Variants in METTL15 observed in about 807,000 individuals in gnomAD.
The protein encoded by METTL15 is 12S rRNA N(4)-cytidine methyltransferase METTL15.
A neutral mutation model predicts 38.3 loss-of-function variants in METTL15; 34 were observed. The observed-to-expected ratio is 0.89, with a 90% CI of 0.68 to 1.18. The LOEUF (loss-of-function observed/expected upper bound fraction) is 1.18. METTL15 is among the 50% of genes most tolerant of loss of function. The pLI is 0.00. For synonymous variants in METTL15, 162 were observed against 170.9 expected (o/e 0.95, Z 0.41); for missense variants, 438 against 498.4 (o/e 0.88, Z 1.15).
chr11:28,408,334 AAAC>A (rs569893597), intron 5 of METTL15, among the ~76,000 whole-genome samples: 86 of 152,044 alleles, frequency 5.7e-4, no homozygotes, highest in Middle Eastern at 3.4e-3. Context: ...ATCACATTAA[AAAC>A]AACAACAACA....
intron 4 of METTL15, among the ~76,000 whole-genome samples, chr11:28,216,804 A>C (rs983617211): frequency 2.0e-5 from 3 of 148,456 alleles, no homozygotes; most frequent in Non-Finnish European, 4.4e-5. Context: ...GAGTGAGAAC[A>C]TGCGGTGTTT....
At chr11:28,120,182 G>A (rs1305381104) in intron 3 of METTL15, among the ~76,000 whole-genome samples, 1 of 151,374 alleles carries the variant, frequency 6.6e-6, no homozygotes, top group Admixed American at 6.6e-5. Flanking sequence ...TCCATCTCCT[G>A]ACCTCGTGAT....
At chr11:28,157,886 C>T (rs898120654) in intron 3 of METTL15, among the ~76,000 whole-genome samples, 1 of 152,302 alleles carries the variant, frequency 6.6e-6, no homozygotes, top group East Asian at 1.9e-4. Context: ...ACAGATAGTT[C>T]TGCACAATAC....
intron 6 of METTL15, among the ~76,000 whole-genome samples, chr11:28,304,105 A>C (rs1856999633): frequency 6.6e-6 from 1 of 152,146 alleles, no homozygotes; most frequent in Non-Finnish European, 1.5e-5. Flanking sequence ...GAGCTAAGGT[A>C]ATTCAGACAG....
chr11:28,525,806 A>G (rs569500422), intron 6 of METTL15, among the ~76,000 whole-genome samples: 26 of 152,336 alleles, frequency 1.7e-4, no homozygotes, highest in African/African-American at 5.5e-4. Flanking sequence ...CGCACTCCTC[A>G]GCCTTTGGGT....
downstream of METTL15, among the ~76,000 whole-genome samples, chr11:28,527,698 C>G (rs781609774): frequency 2.4e-4 from 36 of 152,238 alleles, no homozygotes; most frequent in Non-Finnish European, 4.6e-4. Context: ...GAAGGCCTCC[C>G]CAAGGAAGTG....
intron 6 of METTL15, among the ~76,000 whole-genome samples, chr11:28,430,426 C>T (rs1303129287): frequency 1.6e-5 from 1 of 61,430 alleles, no homozygotes; most frequent in Non-Finnish European, 3.6e-5. Context: ...GTGAGGGGCG[C>T]CTCTGCCCGG....
At chr11:28,390,813 CT>C (rs1217662667) in intron 5 of METTL15, among the ~76,000 whole-genome samples, 3 of 152,066 alleles carry the variant, frequency 2.0e-5, no homozygotes, top group Non-Finnish European at 4.4e-5. Context: ...TATAAATTAC[CT>C]TGGGCAGTAT....
intron 4 of METTL15, among the ~76,000 whole-genome samples, chr11:28,281,811 T>G (rs570107379): frequency 1.6e-4 from 24 of 152,284 alleles, no homozygotes; most frequent in African/African-American, 4.6e-4. Flanking sequence ...GATGAATATG[T>G]CTGCAACTCA....
At chr11:28,240,119 G>T (rs113844657) in intron 4 of METTL15, among the ~76,000 whole-genome samples, 259 of 152,238 alleles carry the variant, frequency 1.7e-3, no homozygotes, top group African/African-American at 5.2e-3. Flanking sequence ...CACTATAAAT[G>T]ATGCAGTTGC....
intron 3 of METTL15, among the ~76,000 whole-genome samples, chr11:28,173,470 A>C (rs1850935343): frequency 5.3e-5 from 8 of 152,202 alleles, no homozygotes; most frequent in Admixed American, 5.2e-4. Flanking sequence ...GAACTGCAAG[A>C]AATAAATTTC....
chr11:28,312,462 G>A (rs915629121), intron 6 of METTL15, among the ~76,000 whole-genome samples: 7 of 152,152 alleles, frequency 4.6e-5, no homozygotes, highest in Non-Finnish European at 7.4e-5. Flanking sequence ...CTACCAAGTA[G>A]GACATAAAAG....
intron 4 of METTL15, among the ~76,000 whole-genome samples, chr11:28,239,604 C>G (rs1289287527): frequency 1.3e-5 from 2 of 152,160 alleles, no homozygotes; most frequent in Non-Finnish European, 1.5e-5. Context: ...TGTTTTTCCT[C>G]TGCTATGTTG....
chr11:28,441,899 T>C (rs994459241), intron 6 of METTL15, among the ~76,000 whole-genome samples: 16 of 152,214 alleles, frequency 1.1e-4, no homozygotes, highest in African/African-American at 3.9e-4. Flanking sequence ...AAATACTAAT[T>C]ACTCTCTAGC....
At chr11:28,329,282 G>A (rs978116418) in intron 6 of METTL15, among the ~76,000 whole-genome samples, 3 of 152,030 alleles carry the variant, frequency 2.0e-5, no homozygotes, top group African/African-American at 4.8e-5. Flanking sequence ...TTTATTTCTT[G>A]ACTCTCAATT....
At chr11:28,404,727 C>CA (rs1208706632) in intron 5 of METTL15, among the ~76,000 whole-genome samples, 1 of 152,062 alleles carries the variant, frequency 6.6e-6, no homozygotes, top group Non-Finnish European at 1.5e-5. Context: ...AACCATAGGC[C>CA]AACGTCGCAC....
chr11:28,500,059 G>A (rs902370384), intron 6 of METTL15, among the ~76,000 whole-genome samples: 1 of 151,654 alleles, frequency 6.6e-6, no homozygotes, highest in Non-Finnish European at 1.5e-5. Context: ...GTCTGGATGG[G>A]AGGAAATAAT....
Position 28,110,215 on chromosome 11 carries a change from C to G in METTL15, c.-204C>G, listed in dbSNP as rs923927821. The G allele has an allele frequency of 1.3e-5, 2 of 152,230 alleles. No homozygotes were observed. Among genetic ancestry groups the G allele is most frequent in the Non-Finnish European group, 2.9e-5 (2 of 68,046 alleles). The allele number at this position is 152,230 out of a possible 1,614,324, so 9.4% of individuals were successfully genotyped here. A position where few individuals can be genotyped will look rare whatever the true frequency, so the allele number is the denominator to read the frequency against. On this transcript the variant is annotated 5_prime_UTR_variant, in exon 2 of 7. Coordinates refer to ENST00000407364, the MANE Select transcript of METTL15 (RefSeq NM_001113528.2). ...CAACAGGACCCTTTGGCAGCTGAGG[C>G]TGGAAACAGCGGAACCAAAGGCAGA... is the stretch of plus-strand genomic sequence containing the variant.
chr11:28,321,932 G>T (rs936892822), intron 6 of METTL15, among the ~76,000 whole-genome samples: 1 of 151,938 alleles, frequency 6.6e-6, no homozygotes, highest in African/African-American at 2.4e-5. Context: ...ATATGATCAA[G>T]AGGGTACTTC....
Sources: allele counts gnomAD v4.1 joint callset (sites outside exome capture counted in the v4.1 genomes callset), GRCh38; gene constraint gnomAD v4.1.1; transcripts MANE v1.5; gene names NCBI Gene and HGNC (gene_info 2026-07-23, HGNC 2026-07-21).